The following MAPK9 variants were observed in gnomAD, a reference collection of about 807,000 sequenced individuals.
The protein encoded by MAPK9 is mitogen-activated protein kinase 9.
In MAPK9, 30 loss-of-function variants were observed where a neutral mutation model predicts 57.1. That is an observed-to-expected ratio of 0.53 (90% CI 0.39 to 0.71). The LOEUF is 0.71. MAPK9 is among the 30% of genes least tolerant of loss of function. MAPK9 has a pLI of 0.00. For missense variants in MAPK9, 362 were observed against 521.0 expected (o/e 0.69, Z 2.97); for synonymous variants, 155 against 177.0 (o/e 0.88, Z 0.99).
chr5:180,272,869 G>A (rs1224952294), intron 2 of MAPK9, among the ~76,000 whole-genome samples: 1 of 152,176 alleles, frequency 6.6e-6, no homozygotes, highest in Non-Finnish European at 1.5e-5. Context: ...GAGTGGGAAC[G>A]TATCCATTGT....
At position 180,244,045 on chromosome 5, in the gene MAPK9, C is replaced by T. The variant is rs34868204; in HGVS notation, c.689-1290G>A. 8.5e-3 allele frequency among the ~76,000 whole-genome samples: 1,299 copies of T among 152,204 alleles called. 15 individuals carry two copies. The highest frequency in any genetic ancestry group is 0.024 in the Admixed American group (369 of 15,290). On this transcript the variant is annotated intron_variant, in intron 7 of 11. Transcript: ENST00000452135. ...GTTATTTTTAGTAGAGATGGGGTTT[C>T]GCCATGTTGGCCAGGCTGGTCTGGA...
Position 180,269,271 on chromosome 5 carries a change from A to G in MAPK9, c.252+9T>C, listed in dbSNP as rs777157607. 5 of 1,612,498 alleles carry G rather than the reference A, an allele frequency of 3.1e-6. No homozygotes were observed. Among genetic ancestry groups the G allele is most frequent in the African/African-American group, 1.3e-5 (1 of 74,918 alleles). The stretch of plus-strand genomic sequence containing the variant: ...GGAAGCACACAGACAAAATACATAC[A>G]TAACTTACATTTTTATGATTGACAC... On this transcript the variant is annotated intron_variant, in intron 3 of 11. Transcript: ENST00000452135.
intron 8 of MAPK9, among the ~76,000 whole-genome samples, chr5:180,242,120 C>G (rs1369572325): frequency 6.6e-6 from 1 of 152,178 alleles, no homozygotes; most frequent in African/African-American, 2.4e-5. Context: ...TGGGGCTTTT[C>G]TGATTAAGGC....
intron 7 of MAPK9, chr5:180,242,987 A>G: frequency 4.8e-6 from 2 of 415,038 alleles, no homozygotes; most frequent in Non-Finnish European, 8.6e-6. Context: ...AATCAACACA[A>G]TGAAGTCTAC....
At chr5:180,253,327 G>A (rs558555503) in intron 5 of MAPK9, among the ~76,000 whole-genome samples, 12 of 152,316 alleles carry the variant, frequency 7.9e-5, no homozygotes, top group South Asian at 6.2e-4. Flanking sequence ...CTAACCCACC[G>A]TGGCATGCGG....
chr5:180,269,333 C>T lies in MAPK9; in HGVS notation c.199G>A (p.Ala67Thr). 1 of 1,614,014 alleles carries T rather than the reference C, an allele frequency of 6.2e-7. No homozygotes were observed. The highest frequency in any genetic ancestry group is 8.5e-7 in the Non-Finnish European group (1 of 1,179,882). ...LSRPFQNQTH[A>T]KRAYRELVLL... Reference sequence around the variant, plus strand: ...ACAAGTTCACGATAAGCTCTCTTTGCATGAGTTTGGTTCTGAAAAGGACGG... The same window carrying T: ...ACAAGTTCACGATAAGCTCTCTTTGTATGAGTTTGGTTCTGAAAAGGACGG... The change falls in exon 3 of 12, where the codon GCA becomes ACA. Residue 67 changes from alanine (A) to threonine (T), a missense_variant. Around this residue, in one of 3 missense-constraint regions of MAPK9, gnomAD observed 127 missense variants for 231.7 expected, o/e 0.55. Transcript: ENST00000452135.
At chr5:180,262,488 C>T (rs191542783) in intron 4 of MAPK9, among the ~76,000 whole-genome samples, 3 of 151,568 alleles carry the variant, frequency 2.0e-5, no homozygotes, top group East Asian at 1.9e-4. Context: ...AGTGCAGTGG[C>T]GTGATCTCGC....
intron 4 of MAPK9, 98 bp downstream of exon 4, chr5:180,264,683 T>C (rs1760342654): frequency 8.9e-7 from 1 of 1,129,178 alleles, no homozygotes; most frequent in Non-Finnish European, 1.2e-6. Context: ...CAAAATGTAT[T>C]GCCACCTACA....
intron 2 of MAPK9, among the ~76,000 whole-genome samples, chr5:180,269,997 A>C (rs9329104): frequency 0.038 from 5,719 of 152,170 alleles, 362 homozygotes; most frequent in African/African-American, 0.12. Context: ...ATCTCCTCCT[A>C]CTACTATAGT....
At chr5:180,270,868 A>AAAAAAAAAAAG (rs1466941482) in intron 2 of MAPK9, among the ~76,000 whole-genome samples, 6 of 137,566 alleles carry the variant, frequency 4.4e-5, no homozygotes, top group African/African-American at 1.5e-4. Flanking sequence ...CAAAAAAAAA[A>AAAAAAAAAAAG]AAAAAGAAAA....
At chr5:180,239,789 G>A (rs1757499668) in intron 10 of MAPK9, 135 bp downstream of exon 10, 3 of 744,154 alleles carry the variant, frequency 4.0e-6, no homozygotes, top group Non-Finnish European at 6.9e-6. Flanking sequence ...ACTGGAAACT[G>A]GGGAGAAAGA....
At chr5:180,258,323 G>A (rs1330320572) in intron 5 of MAPK9, 1 of 152,274 alleles carries the variant, frequency 6.6e-6, no homozygotes, top group Non-Finnish European at 1.5e-5. Flanking sequence ...TGTAGGAAAT[G>A]TGGGAAACGA....
intron 2 of MAPK9, 133 bp from the exon 3 acceptor site, chr5:180,269,542 T>C (rs1761055481): frequency 2.4e-6 from 2 of 832,662 alleles, no homozygotes; most frequent in Admixed American, 2.5e-5. Flanking sequence ...TTCAAGGTAC[T>C]TGCACATATG....
chr5:180,250,917 C>T (rs1356753828), intron 5 of MAPK9, among the ~76,000 whole-genome samples: 2 of 152,282 alleles, frequency 1.3e-5, no homozygotes, highest in East Asian at 3.9e-4. Flanking sequence ...GGACGCTCCG[C>T]TGTGAGGACC....
chr5:180,241,055 C>T lies in MAPK9; in HGVS notation c.972G>A (p.Trp324Ter). ...EALRHPYITV[W>*]YDPAEAEAPP... ...CGGCTTCTGCTTCGGCGGGGTCATA[C>T]CAAACAGTGATGTATGGGTGACGCA... The change falls in exon 9 of 12, where the codon TGG becomes TGA. Residue 324 changes from tryptophan (W) to a stop codon, truncating the protein, a stop_gained. Transcript: ENST00000452135. LOFTEE classifies it high-confidence loss of function. 1 of 1,613,180 alleles carries T rather than the reference C, an allele frequency of 6.2e-7. No individual in the cohort carries two copies. The highest frequency in any genetic ancestry group is 1.1e-5 in the South Asian group (1 of 90,934).
chr5:180,270,661 G>A (rs1761172737), intron 2 of MAPK9, among the ~76,000 whole-genome samples: 1 of 152,002 alleles, frequency 6.6e-6, no homozygotes, highest in African/African-American at 2.4e-5. Flanking sequence ...GACCAGCCTG[G>A]GCAATACAGT....
chr5:180,241,636 CTT>C, intron 8 of MAPK9, among the ~76,000 whole-genome samples: 1 of 152,338 alleles, frequency 6.6e-6, no homozygotes, highest in South Asian at 2.1e-4. Flanking sequence ...CAAATGTCCA[CTT>C]TCATGACAAA....
At chr5:180,249,829 T>C (rs1398388671) in intron 5 of MAPK9, among the ~76,000 whole-genome samples, 1 of 152,218 alleles carries the variant, frequency 6.6e-6, no homozygotes, top group Non-Finnish European at 1.5e-5. Context: ...TTTTACATTC[T>C]CTTTTTAGTA....
rs556834225 is a variant in MAPK9 at position 180,289,566 on chromosome 5, G to A, written c.-48+2282C>T. ...ATCTGGGTTCGAACTCCACTCACCAGCTGCTTGCTAAGAAACAGACTACTT... is the reference window on the plus strand; with the variant it reads ...ATCTGGGTTCGAACTCCACTCACCAACTGCTTGCTAAGAAACAGACTACTT... On this transcript the variant is annotated intron_variant, in intron 1 of 11. Coordinates refer to ENST00000452135, the MANE Select transcript of MAPK9 (RefSeq NM_002752.5). Among the ~76,000 whole-genome samples, 12 of 152,262 alleles carry A rather than the reference G, an allele frequency of 7.9e-5. No individual in the cohort carries two copies. In the East Asian group the frequency reaches 2.3e-3, roughly 29 times the overall value.
Sources: allele counts gnomAD v4.1 joint callset (sites outside exome capture counted in the v4.1 genomes callset), GRCh38; gene constraint gnomAD v4.1.1; regional missense constraint gnomAD v4.1.1; transcripts MANE v1.5; gene names NCBI Gene and HGNC (gene_info 2026-07-23, HGNC 2026-07-21).